Variants in ATXN2 observed in about 807,000 individuals in gnomAD.
ATXN2 encodes the protein ataxin 2.
A neutral mutation model predicts 138.6 loss-of-function variants in ATXN2; 37 were observed. The ratio of observed to expected loss-of-function variants is 0.27; its 90% CI spans 0.21 to 0.35. ATXN2 has a LOEUF of 0.35. ATXN2 is among the 10% of genes least tolerant of loss of function. The pLI, the probability that ATXN2 is intolerant of heterozygous loss-of-function variation, is 1.00. For synonymous variants in ATXN2, 549 were observed against 543.7 expected (o/e 1.01, Z -0.13); for missense variants, 1,216 against 1,480.3 (o/e 0.82, Z 2.93).
rs113443825 is a variant in ATXN2 at position 111,548,064 on chromosome 12, G to A, written c.571+4216C>T. Among the ~76,000 whole-genome samples, 20 of 151,802 alleles carry A rather than the reference G, an allele frequency of 1.3e-4. 3 individuals are homozygous for A. The highest frequency in any genetic ancestry group is 4.3e-4 in the African/African-American group (18 of 41,400). ...AAAAATTACCCGGGTGTGGTGGTAC[G>A]TGCCTGTAATCCCAGTTATTAGGGA... On this transcript the variant is annotated intron_variant, in intron 5 of 24. Transcript: ENST00000673436.
chr12:111,586,789 G>A (rs568969712), intron 1 of ATXN2, among the ~76,000 whole-genome samples: 8 of 152,142 alleles, frequency 5.3e-5, no homozygotes, highest in African/African-American at 1.9e-4. Flanking sequence ...CCAAAGTGCT[G>A]GGATTACAAG....
intron 5 of ATXN2, among the ~76,000 whole-genome samples, chr12:111,539,460 AAAG>A (rs1376605449): frequency 1.3e-5 from 2 of 150,402 alleles, no homozygotes; most frequent in African/African-American, 4.8e-5. Context: ...AGAAAGAAAA[AAAG>A]AAGGCCGGGT....
chr12:111,515,042 C>T (rs1879775297), intron 10 of ATXN2, among the ~76,000 whole-genome samples: 1 of 152,030 alleles, frequency 6.6e-6, no homozygotes, highest in Non-Finnish European at 1.5e-5. Context: ...AAAATATCAA[C>T]AGAATTTTGC....
At chr12:111,591,590 A>G (rs1884667516) in intron 1 of ATXN2, among the ~76,000 whole-genome samples, 1 of 152,158 alleles carries the variant, frequency 6.6e-6, no homozygotes, top group Admixed American at 6.6e-5. Flanking sequence ...GCTTGGCCCC[A>G]TAGATTGAGG....
chr12:111,598,133 G>A lies in ATXN2; in HGVS notation c.251+651C>T. 2.7e-6 allele frequency: 3 copies of A among 1,113,182 alleles called. No individual in the cohort carries two copies. The highest frequency in any genetic ancestry group is 4.1e-5 in the Admixed American group (1 of 24,180). The allele number at this position is 1,113,182 out of a possible 1,614,324, so 69.0% of individuals were successfully genotyped here. On this transcript the variant is annotated intron_variant, in intron 1 of 24. Coordinates refer to ENST00000673436, the MANE Select transcript of ATXN2 (RefSeq NM_001372574.1). This position sits in a 1 kb window ranked among gnomAD's most constrained non-coding sequence, Gnocchi z 4.5. Reference sequence around the variant, plus strand: ...GGGGAGTTCGGGAGCCCCCGCCGCCGCCTCGGACACGAACGCAGAGGGGTG... The same window carrying A: ...GGGGAGTTCGGGAGCCCCCGCCGCCACCTCGGACACGAACGCAGAGGGGTG...
At chr12:111,526,354 CA>C (rs111688508) in intron 5 of ATXN2, among the ~76,000 whole-genome samples, 68 of 124,406 alleles carry the variant, frequency 5.5e-4, no homozygotes, top group Admixed American at 6.6e-4. Context: ...GACCCTGTCT[CA>C]AAAAAAAAAA....
In ATXN2 at chr12:111,552,841, G is replaced by A. The variant is rs1882192993; in HGVS notation, c.420+65C>T. 3.6e-6 allele frequency: 4 copies of A among 1,120,582 alleles called. No individual in the cohort carries two copies. Among genetic ancestry groups the A allele is most frequent in the Admixed American group, 5.4e-5 (2 of 37,056 alleles). The allele number at this position is 1,120,582 out of a possible 1,614,324, so 69.4% of individuals were successfully genotyped here. On this transcript the variant is annotated intron_variant, in intron 4 of 24. Transcript: ENST00000673436. The surrounding 1 kb of genome is among the most constrained non-coding windows in gnomAD (Gnocchi z 4.1). ...TCATTCAAAGTGGCTTTAAAAACTAGGTAAAACACTGACTATGAAAATGTT... is the reference window on the plus strand; with the variant it reads ...TCATTCAAAGTGGCTTTAAAAACTAAGTAAAACACTGACTATGAAAATGTT...
chr12:111,495,241 G>A (rs1023899595), intron 14 of ATXN2, among the ~76,000 whole-genome samples: 2 of 150,914 alleles, frequency 1.3e-5, no homozygotes, highest in Admixed American at 6.6e-5. Flanking sequence ...TCAGGAGGCG[G>A]AGGTTGCAGT....
chr12:111,537,359 C>G (rs676767), intron 5 of ATXN2, among the ~76,000 whole-genome samples: 2 of 151,498 alleles, frequency 1.3e-5, no homozygotes, highest in African/African-American at 2.4e-5. Context: ...CCGAGGTGGG[C>G]AGATCACTTG....
intron 10 of ATXN2, among the ~76,000 whole-genome samples, chr12:111,514,282 A>G (rs1879730530): frequency 6.6e-6 from 1 of 152,198 alleles, no homozygotes. Flanking sequence ...ATGAATTGTC[A>G]AAATTCTACA....
chr12:111,452,429 ATT>A lies in ATXN2; in HGVS notation c.*381_*382del, dbSNP rs11348701. 1.9e-3 allele frequency: 251 copies of A among 129,174 alleles called. No homozygotes were observed. The highest frequency in any genetic ancestry group is 3.6e-3 in the South Asian group (15 of 4,122). The allele number at this position is 129,174 out of a possible 1,614,324, so 8.0% of individuals were successfully genotyped here. On this transcript the variant is annotated 3_prime_UTR_variant, in exon 25 of 25. Coordinates refer to ENST00000673436, the MANE Select transcript of ATXN2 (RefSeq NM_001372574.1). ...TAGTAAAAGGGCGTTCCAAGTCTTG[ATT>A]TTTTTTTTTTTTTTTTTTTAGCAGT...
intron 1 of ATXN2, among the ~76,000 whole-genome samples, chr12:111,582,620 C>T (rs1213938930): frequency 1.3e-5 from 2 of 152,166 alleles, no homozygotes; most frequent in Non-Finnish European, 2.9e-5. Context: ...AAAATAAATA[C>T]ATAAAAACAG....
At chr12:111,581,230 A>G in intron 1 of ATXN2, 1 of 313,390 alleles carries the variant, frequency 3.2e-6, no homozygotes, top group Non-Finnish European at 6.0e-6. Context: ...TCTGGTAAAT[A>G]ACCCTCTTGG....
chr12:111,525,375 C>T (rs1880425204), intron 5 of ATXN2, 59 bp from the exon 6 acceptor site: 4 of 1,432,488 alleles, frequency 2.8e-6, no homozygotes, highest in Non-Finnish European at 9.2e-7. Flanking sequence ...TACACTCACA[C>T]ACGTGAATTA....
Position 111,599,106 on chromosome 12 carries a change from C to G in ATXN2, c.-72G>C, listed in dbSNP as rs534636443. 1.9e-5 allele frequency: 25 copies of G among 1,287,020 alleles called. No individual in the cohort carries two copies. Among genetic ancestry groups the G allele is most frequent in the Non-Finnish European group, 2.5e-5 (25 of 1,018,740 alleles). The allele number at this position is 1,287,020 out of a possible 1,614,324, so 79.7% of individuals were successfully genotyped here. On this transcript the variant is annotated 5_prime_UTR_variant, in exon 1 of 25. Coordinates refer to ENST00000673436, the MANE Select transcript of ATXN2 (RefSeq NM_001372574.1). ...GGAGCCGGGCGCGCCAAGGAGACGC[C>G]GGAACGCGGCGGGGACGCGCGGGCG...
At chr12:111,503,029 C>T (rs979226288) in intron 14 of ATXN2, among the ~76,000 whole-genome samples, 4 of 152,182 alleles carry the variant, frequency 2.6e-5, no homozygotes, top group African/African-American at 4.8e-5. Flanking sequence ...GTCCATTTAC[C>T]TCTAAAACCC....
At chr12:111,484,379 C>G (rs1877489340) in intron 18 of ATXN2, among the ~76,000 whole-genome samples, 1 of 151,704 alleles carries the variant, frequency 6.6e-6, no homozygotes, top group Non-Finnish European at 1.5e-5. Flanking sequence ...GGATATCAGG[C>G]ATGGAGCCAC....
chr12:111,481,056 T>G (rs1055900528), intron 18 of ATXN2, among the ~76,000 whole-genome samples: 52 of 152,212 alleles, frequency 3.4e-4, no homozygotes, highest in African/African-American at 1.2e-3. Flanking sequence ...GCGTCTAAAA[T>G]CTCAGCACTT....
chr12:111,504,288 G>A (rs1878969293), intron 14 of ATXN2, among the ~76,000 whole-genome samples: 1 of 152,132 alleles, frequency 6.6e-6, no homozygotes, highest in African/African-American at 2.4e-5. Flanking sequence ...TAATTCAATG[G>A]AGGAAAGAAT....
Sources: gnomAD v4.1 joint callset for allele counts (sites outside exome capture counted in the v4.1 genomes callset) on GRCh38, gnomAD v4.1.1 for gene constraint, Gnocchi (gnomAD v3.1) non-coding constraint, MANE v1.5 for transcripts, NCBI Gene and HGNC (gene_info 2026-07-23, HGNC 2026-07-21) for gene names.